Variants in RBMS3 observed in about 807,000 individuals in gnomAD.
RBMS3 encodes the protein RNA binding motif single stranded interacting protein 3.
A neutral mutation model predicts 66.8 loss-of-function variants in RBMS3; 27 were observed. The ratio of observed to expected loss-of-function variants is 0.40; its 90% CI spans 0.30 to 0.56. The LOEUF (loss-of-function observed/expected upper bound fraction) is 0.56, where lower values mean the gene tolerates loss of function less well. Ranked by LOEUF, RBMS3 falls within the 20% of genes least tolerant of loss-of-function variation. The probability of loss-of-function intolerance (pLI) is 0.40; values close to 1 mark genes in which losing one functional copy is unlikely to be tolerated. For synonymous variants in RBMS3, 188 were observed against 183.0 expected (o/e 1.03, Z -0.22); for missense variants, 513 against 549.5 (o/e 0.93, Z 0.66).
At chr3:29,396,102 A>T (rs1010087040) in intron 1 of RBMS3, among the ~76,000 whole-genome samples, 2 of 152,136 alleles carry the variant, frequency 1.3e-5, no homozygotes, top group Non-Finnish European at 2.9e-5. Context: ...GCAGGTGGAT[A>T]TCATGTGCCT....
chr3:29,815,801 G>A (rs2149465832), intron 6 of RBMS3, among the ~76,000 whole-genome samples: 1 of 151,294 alleles, frequency 6.6e-6, no homozygotes, highest in East Asian at 1.9e-4. Context: ...AGGGTGGGAG[G>A]GGGTAAGGGA....
At chr3:29,637,545 A>T (rs1259247784) in intron 4 of RBMS3, among the ~76,000 whole-genome samples, 1 of 152,012 alleles carries the variant, frequency 6.6e-6, no homozygotes, top group Admixed American at 6.6e-5. Context: ...TAAGTTTCTT[A>T]TCTTGGAGAT....
intron 2 of RBMS3, among the ~76,000 whole-genome samples, chr3:29,438,028 TTCTC>T (rs34431369): frequency 0.042 from 5,972 of 142,490 alleles, 236 homozygotes; most frequent in East Asian, 0.16. Flanking sequence ...CCTTGCTTGT[TTCTC>T]TCTCTCTCTC....
At chr3:29,739,924 T>C in intron 5 of RBMS3, 47 bp downstream of exon 5, 2 of 1,375,256 alleles carry the variant, frequency 1.5e-6, no homozygotes, top group Middle Eastern at 2.0e-4. Context: ...CATTGTTCCT[T>C]TTAAATTCCA....
At chr3:29,966,771 G>A (rs1427648053) in intron 12 of RBMS3, among the ~76,000 whole-genome samples, 1 of 152,154 alleles carries the variant, frequency 6.6e-6, no homozygotes, top group African/African-American at 2.4e-5. Context: ...TCTTGTTCCA[G>A]TTCTCAGAGG....
intron 6 of RBMS3, among the ~76,000 whole-genome samples, chr3:29,842,346 A>C (rs73053767): frequency 0.051 from 7,720 of 152,248 alleles, 275 homozygotes; most frequent in East Asian, 0.12. Flanking sequence ...CATCAGTACT[A>C]ACTGTGAGCA....
intron 1 of RBMS3, among the ~76,000 whole-genome samples, chr3:29,431,380 ACT>A (rs2041191421): frequency 7.0e-6 from 1 of 142,848 alleles, no homozygotes; most frequent in African/African-American, 2.6e-5. Flanking sequence ...GCAACCTCTG[ACT>A]CTCGGGTTCA....
chr3:29,692,576 G>A (rs1162197564), intron 4 of RBMS3, among the ~76,000 whole-genome samples: 1 of 152,090 alleles, frequency 6.6e-6, no homozygotes, highest in East Asian at 1.9e-4. Flanking sequence ...GACTTTATTT[G>A]ACAACCTAAT....
intron 3 of RBMS3, among the ~76,000 whole-genome samples, chr3:29,573,053 A>G (rs1328333600): frequency 6.6e-6 from 1 of 152,126 alleles, no homozygotes; most frequent in Non-Finnish European, 1.5e-5. Flanking sequence ...ATTGGCATAT[A>G]GTTGCTCACA....
At chr3:29,757,336 C>A (rs1050563638) in intron 5 of RBMS3, among the ~76,000 whole-genome samples, 1 of 152,232 alleles carries the variant, frequency 6.6e-6, no homozygotes, top group African/African-American at 2.4e-5. Flanking sequence ...ACTGTCCCAT[C>A]TATTAAAAGG....
chr3:29,433,593 G>A (rs1484383168), intron 1 of RBMS3, among the ~76,000 whole-genome samples: 5 of 151,982 alleles, frequency 3.3e-5, no homozygotes, highest in African/African-American at 9.7e-5. Flanking sequence ...TATCTCCTTC[G>A]TATTAATGAG....
At chr3:29,590,725 A>G (rs1427376254) in intron 4 of RBMS3, among the ~76,000 whole-genome samples, 4 of 152,106 alleles carry the variant, frequency 2.6e-5, no homozygotes, top group African/African-American at 9.7e-5. Context: ...TAAGCATGAA[A>G]AAAAGTGAAG....
intron 2 of RBMS3, among the ~76,000 whole-genome samples, chr3:29,461,806 T>A (rs2042377158): frequency 6.6e-6 from 1 of 151,918 alleles, no homozygotes; most frequent in South Asian, 2.1e-4. Context: ...TAGGCTGGAC[T>A]GCAGTGGTGC....
intron 6 of RBMS3, 71 bp from the exon 7 acceptor site, chr3:29,868,787 C>A (rs1363460952): frequency 3.9e-6 from 5 of 1,279,166 alleles, no homozygotes; most frequent in Non-Finnish European, 5.5e-6. Context: ...CAAAGCACTA[C>A]TGTGACTCAC....
intron 13 of RBMS3, among the ~76,000 whole-genome samples, chr3:29,988,507 C>G (rs987238301): frequency 2.0e-5 from 3 of 152,166 alleles, no homozygotes; most frequent in South Asian, 2.1e-4. Context: ...ATTTTAATCA[C>G]AAATACTTCT....
intron 4 of RBMS3, among the ~76,000 whole-genome samples, chr3:29,604,809 A>T (rs975426914): frequency 2.9e-4 from 44 of 152,046 alleles, no homozygotes; most frequent in African/African-American, 1.0e-3. Flanking sequence ...GCAGTTAGTG[A>T]TCATTAGTTT....
chr3:29,324,537 C>T (rs564801892), intron 1 of RBMS3, among the ~76,000 whole-genome samples: 7 of 151,684 alleles, frequency 4.6e-5, no homozygotes, highest in African/African-American at 1.5e-4. Flanking sequence ...CATGTTTGGC[C>T]GTGGAATTTA....
chr3:29,606,781 C>G (rs978099992), intron 4 of RBMS3, among the ~76,000 whole-genome samples: 2 of 151,950 alleles, frequency 1.3e-5, no homozygotes, highest in Non-Finnish European at 2.9e-5. Context: ...TGCTCACTTG[C>G]AGACAAATGT....
intron 2 of RBMS3, among the ~76,000 whole-genome samples, chr3:29,447,417 G>T (rs2041870776): frequency 6.6e-6 from 1 of 152,084 alleles, no homozygotes; most frequent in South Asian, 2.1e-4. Flanking sequence ...TCTATTCTCT[G>T]TCACATCATT....
Sources: allele counts gnomAD v4.1 joint callset (sites outside exome capture counted in the v4.1 genomes callset), GRCh38; gene constraint gnomAD v4.1.1; transcripts MANE v1.5; gene names NCBI Gene and HGNC (gene_info 2026-07-23, HGNC 2026-07-21).